Variants in PARP10 observed in about 807,000 individuals in gnomAD.
The protein encoded by PARP10 is poly(ADP-ribose) polymerase family member 10, also known as protein mono-ADP-ribosyltransferase PARP10.
In PARP10, 56 loss-of-function variants were observed where a neutral mutation model predicts 82.4. The ratio of observed to expected loss-of-function variants is 0.68; its 90% CI spans 0.55 to 0.85. The LOEUF is 0.85. PARP10 is among the 40% of genes least tolerant of loss of function. The pLI, the probability that PARP10 is intolerant of heterozygous loss-of-function variation, is 0.00. For synonymous variants in PARP10, 576 were observed against 601.1 expected, an observed-to-expected ratio of 0.96 and a Z score of 0.61; for missense variants, 1,227 against 1,379.4, an observed-to-expected ratio of 0.89 and a Z score of 1.75.
upstream of PARP10, chr8:143,992,537 C>G: frequency 1.2e-6 from 2 of 1,614,162 alleles, no homozygotes; most frequent in Non-Finnish European, 1.7e-6. Context: ...CTTCGCCATT[C>G]TCTGCATCTT....
upstream of PARP10, chr8:143,991,934 C>A (rs1554750575): frequency 6.2e-7 from 1 of 1,613,752 alleles, no homozygotes; most frequent in African/African-American, 1.3e-5. Flanking sequence ...TGTCTGTGTT[C>A]ACTTTTGTTG....
chr8:143,984,386 G>A lies in PARP10; in HGVS notation c.1504C>T (p.Arg502Trp), dbSNP rs201826623. 39 of 1,612,484 alleles carry A rather than the reference G, an allele frequency of 2.4e-5. No homozygotes were observed. The highest frequency in any genetic ancestry group is 3.3e-4 in the Middle Eastern group (2 of 6,058). ...CAGCTAATGCTGCCCAGCAGGCTCC[G>A]CAGAAACTCCTCAGCCGCCTGGCAG... Reference protein sequence around the residue: ...ASCQAAEEFLRSLLGSISCHV... With the variant: ...ASCQAAEEFLWSLLGSISCHV... The change falls in exon 6 of 11, where the codon CGG becomes TGG. Residue 502 changes from arginine to tryptophan, a missense_variant. Arg to Trp is a moderately radical substitution (Grantham distance 101). Transcript: ENST00000313028.
At position 143,983,674 on chromosome 8, in the gene PARP10, G is replaced by T; in HGVS notation, c.1915C>A (p.Pro639Thr). 1 of 1,609,250 alleles carries T rather than the reference G, an allele frequency of 6.2e-7. No homozygotes were observed. The highest frequency in any genetic ancestry group is 8.5e-7 in the Non-Finnish European group (1 of 1,177,658). The stretch of plus-strand genomic sequence containing the variant: ...GGTGCCACAGTGCTGGGGGCCACAG[G>T]CTCCTCCTCCTCATGCCCTGGGGTC... Reference protein sequence around the residue: ...EVTPGHEEEEPVAPSTVAPRW... With the variant: ...EVTPGHEEEETVAPSTVAPRW... The change falls in exon 8 of 11, where the codon CCT becomes ACT. Residue 639 changes from proline to threonine, a missense_variant. Coordinates refer to ENST00000313028, the MANE Select transcript of PARP10 (RefSeq NM_032789.5).
At chr8:143,993,067 A>G (rs1266837732), upstream of PARP10, 2 of 543,628 alleles carry the variant, frequency 3.7e-6, no homozygotes, top group African/African-American at 3.8e-5. Context: ...GCCAAGGGGC[A>G]CCAAGGCCAC....
In PARP10 at chr8:144,011,446, C is replaced by T. The variant is rs1286488509; in HGVS notation, c.-80+1084G>A. ...GCCCTGGCTGACCTTCTTCCCCTTCCTCATTCCCACATTCTACCAGGAGTC... is the reference window on the plus strand; with the variant it reads ...GCCCTGGCTGACCTTCTTCCCCTTCTTCATTCCCACATTCTACCAGGAGTC... On this transcript the variant is annotated intron_variant, in intron 1 of 3. Coordinates refer to the PARP10 transcript ENST00000530478. The surrounding 1 kb of genome is among the most constrained non-coding windows in gnomAD (Gnocchi z 4.5). Among the ~76,000 whole-genome samples, 3 of 152,174 alleles carry T rather than the reference C, an allele frequency of 2.0e-5. No homozygotes were observed. The highest frequency in any genetic ancestry group is 4.4e-5 in the Non-Finnish European group (3 of 68,036).
At chr8:143,991,399 A>G, upstream of PARP10, 1 of 1,096,632 alleles carries the variant, frequency 9.1e-7, no homozygotes, top group Non-Finnish European at 1.2e-6. Flanking sequence ...GGGTACCCCC[A>G]TGGCCCCAGC....
chr8:143,985,265 T>A lies in PARP10; in HGVS notation c.737A>T (p.His246Leu). Residue 246 changes from histidine (H) to leucine (L), a missense_variant, in exon 5 of 11, where the codon CAC becomes CTC. Physicochemically the swap from His to Leu is moderately conservative, Grantham distance 99 (BLOSUM62 -3). Coordinates refer to ENST00000313028, the MANE Select transcript of PARP10 (RefSeq NM_032789.5). The stretch of plus-strand genomic sequence containing the variant: ...CTCCTCGGGCTCCAGGATGTCGTAG[T>A]GGGGGACAAGGCTCAGCTCTGAGCC... ...LQGSELSLVP[H>L]YDILEPEELA... 2 of 1,613,816 alleles carry A rather than the reference T, an allele frequency of 1.2e-6. No homozygotes were observed. The highest frequency in any genetic ancestry group is 1.1e-5 in the South Asian group (1 of 91,052).
intron 1 of PARP10, among the ~76,000 whole-genome samples, chr8:143,999,065 C>T (rs1335813759): frequency 1.3e-5 from 2 of 151,184 alleles, no homozygotes; most frequent in Non-Finnish European, 2.9e-5. Flanking sequence ...TTCTGTCTTT[C>T]AACAGGGTCT....
intron 1 of PARP10, among the ~76,000 whole-genome samples, chr8:144,006,763 C>T (rs114657296): frequency 0.032 from 4,899 of 152,298 alleles, 291 homozygotes; most frequent in African/African-American, 0.11. Flanking sequence ...TGTGAGGACA[C>T]GAGAATGCAG....
intron 9 of PARP10, among the ~76,000 whole-genome samples, chr8:143,980,192 C>T (rs1205074725): frequency 6.6e-5 from 10 of 150,450 alleles, no homozygotes; most frequent in Admixed American, 4.0e-4. Flanking sequence ...TGGTGGCAGG[C>T]GCCTGTAGTC....
rs1282129075 is a variant in PARP10, at chr8:144,008,951, G to T, written c.-80+3579C>A. 6.6e-6 allele frequency among the ~76,000 whole-genome samples: 1 copy of T among 152,232 alleles called. No individual in the cohort carries two copies. The highest frequency in any genetic ancestry group is 6.5e-5 in the Admixed American group (1 of 15,284). On this transcript the variant is annotated intron_variant, in intron 1 of 3. Coordinates refer to the PARP10 transcript ENST00000530478. The surrounding 1 kb of genome is among the most constrained non-coding windows in gnomAD (Gnocchi z 4.0). ...GAGGCTAATTCAAAGAAAGGAGCAG[G>T]AGGCTGCAGCTTAACATTCTGGGGG...
chr8:143,991,409 C>T (rs782438595), upstream of PARP10: 13 of 1,257,570 alleles, frequency 1.0e-5, 1 homozygote, highest in South Asian at 3.1e-5. Flanking sequence ...ATGGCCCCAG[C>T]CCCTACCCCC....
At chr8:144,000,220 T>C (rs1834192299) in intron 1 of PARP10, among the ~76,000 whole-genome samples, 1 of 152,148 alleles carries the variant, frequency 6.6e-6, no homozygotes, top group Admixed American at 6.5e-5. Context: ...TTGTTGAAGA[T>C]GTAACTGGTT....
chr8:143,996,823 C>T (rs782245327), intron 1 of PARP10, among the ~76,000 whole-genome samples: 2 of 152,094 alleles, frequency 1.3e-5, no homozygotes, highest in Admixed American at 6.5e-5. Flanking sequence ...AGACTCGCAG[C>T]GGGCTGAGGA....
chr8:143,983,514 G>C lies in PARP10; in HGVS notation c.2075C>G (p.Pro692Arg). Residue 692 changes from proline to arginine, a missense_variant, in exon 8 of 11, where the codon CCG becomes CGG. Physicochemically the swap from Pro to Arg is moderately radical, Grantham distance 103. Coordinates refer to ENST00000313028, the MANE Select transcript of PARP10 (RefSeq NM_032789.5). ...ALTLSLLEQP[P>R]LEAEEPPDGG... is the part of the protein sequence containing the mutation. The stretch of plus-strand genomic sequence containing the variant: ...ATCTGGGGGCTCTTCTGCCTCCAAC[G>C]GGGGCTGCTCCAGCAGGGAGAGGGT... 5 of 1,605,516 alleles carry C rather than the reference G, an allele frequency of 3.1e-6. No individual in the cohort carries two copies. Among genetic ancestry groups the C allele is most frequent in the Non-Finnish European group, 4.2e-6 (5 of 1,176,576 alleles).
At chr8:144,000,515 G>A (rs954451000) in intron 1 of PARP10, among the ~76,000 whole-genome samples, 3 of 152,134 alleles carry the variant, frequency 2.0e-5, no homozygotes, top group Admixed American at 2.0e-4. Flanking sequence ...TTCTGTTTAT[G>A]GACTTTACCA....
chr8:143,978,306 TGGAGGTCTGCGGGCGG>T (rs1209735647), intron 9 of PARP10, among the ~76,000 whole-genome samples: 15 of 152,156 alleles, frequency 9.9e-5, no homozygotes, highest in Middle Eastern at 3.4e-3. Context: ...CCCCCTCCCG[TGGAGGTCTGCGGGCGG>T]GCAAACCCCA....
At chr8:144,000,523 C>T (rs1008757069) in intron 1 of PARP10, among the ~76,000 whole-genome samples, 2 of 152,152 alleles carry the variant, frequency 1.3e-5, no homozygotes, top group Non-Finnish European at 2.9e-5. Context: ...ATGGACTTTA[C>T]CAATGCTAAT....
At chr8:144,005,143 C>T (rs1290518696) in intron 1 of PARP10, among the ~76,000 whole-genome samples, 1 of 148,510 alleles carries the variant, frequency 6.7e-6, no homozygotes, top group East Asian at 2.0e-4. Context: ...TGCACCACTG[C>T]ACTGCAGCCT....
Sources: allele counts gnomAD v4.1 joint callset (sites outside exome capture counted in the v4.1 genomes callset), GRCh38; gene constraint gnomAD v4.1.1; non-coding constraint Gnocchi (gnomAD v3.1); transcripts MANE v1.5; gene names NCBI Gene and HGNC (gene_info 2026-07-23, HGNC 2026-07-21).